The following RDM1 variants were observed in gnomAD, a reference collection of about 807,000 sequenced individuals.
RDM1 encodes RAD52 motif-containing protein 1.
Under a neutral mutation model 27.7 loss-of-function variants are expected in RDM1, and 28 were observed. That is an observed-to-expected ratio of 1.01 (90% CI 0.75 to 1.39). The LOEUF (loss-of-function observed/expected upper bound fraction) is 1.39, where lower values mean the gene tolerates loss of function less well. RDM1 is among the 40% of genes most tolerant of loss of function. The pLI is 0.00. For synonymous variants in RDM1, 124 were observed against 127.5 expected, an observed-to-expected ratio of 0.97 and a Z score of 0.19; for missense variants, 277 against 337.3, an observed-to-expected ratio of 0.82 and a Z score of 1.40.
intron 2 of RDM1, among the ~76,000 whole-genome samples, chr17:35,927,804 G>A (rs773997767): frequency 6.6e-5 from 10 of 152,102 alleles, no homozygotes; most frequent in Non-Finnish European, 1.2e-4. Context: ...TGGTCTCAAT[G>A]TCCAAAGAGC....
chr17:35,927,098 A>G (rs2141948429), intron 2 of RDM1, among the ~76,000 whole-genome samples: 1 of 122,684 alleles, frequency 8.2e-6, no homozygotes, highest in South Asian at 2.6e-4. Flanking sequence ...TGCAGCAACC[A>G]TTTTCCTTCA....
intron 4 of RDM1, among the ~76,000 whole-genome samples, chr17:35,922,977 G>A (rs895100456): frequency 4.6e-5 from 7 of 152,116 alleles, no homozygotes; most frequent in African/African-American, 1.7e-4. Flanking sequence ...CACTCCTACA[G>A]ACCCTACCCT....
In RDM1 at chr17:35,930,361, A is replaced by G. The variant is rs919083043; in HGVS notation, c.97-106T>C. ...TCTCTTCGCGAAGGATGCGATTCAA[A>G]ACACTTCCCACTTAATCAACAGGTT... On this transcript the variant is annotated intron_variant, in intron 1 of 6. Coordinates refer to ENST00000620284, the MANE Select transcript of RDM1 (RefSeq NM_145654.4). 5 of 1,422,034 alleles carry G rather than the reference A, an allele frequency of 3.5e-6. No homozygotes were observed. The Admixed American group carries it at 7.4e-5, about 21-fold the overall frequency. 88.1% of individuals were successfully genotyped at this position (1,422,034 alleles called of 1,614,324 possible).
chr17:35,922,444 G>A (rs958867088), intron 5 of RDM1, 133 bp downstream of exon 5: 48 of 1,115,954 alleles, frequency 4.3e-5, no homozygotes, highest in Admixed American at 2.0e-4. Flanking sequence ...CTGTTGGTGT[G>A]AAATAATTTA....
chr17:35,918,223 G>A lies in RDM1; in HGVS notation c.*119C>T. 6.5e-6 allele frequency: 5 copies of A among 774,324 alleles called. No individual in the cohort carries two copies. Among genetic ancestry groups the A allele is most frequent in the Non-Finnish European group, 1.1e-5 (5 of 462,312 alleles). The allele number at this position is 774,324 out of a possible 1,614,324, so 48.0% of individuals were successfully genotyped here. Reference sequence around the variant, plus strand: ...CCCCTTCGCCAGGAAAGATTTGGGCGGCCGACCCAGGTGGTTCCAGGACTC... The same window carrying A: ...CCCCTTCGCCAGGAAAGATTTGGGCAGCCGACCCAGGTGGTTCCAGGACTC... On this transcript the variant is annotated 3_prime_UTR_variant, in exon 7 of 7. Coordinates refer to ENST00000620284, the MANE Select transcript of RDM1 (RefSeq NM_145654.4).
At chr17:35,919,953 C>T (rs1470953100) in intron 6 of RDM1, among the ~76,000 whole-genome samples, 1 of 152,174 alleles carries the variant, frequency 6.6e-6, no homozygotes, top group Non-Finnish European at 1.5e-5. Flanking sequence ...CTCCTGTGTC[C>T]ACAACTGTAG....
At chr17:35,924,130 A>C (rs2089049968) in intron 4 of RDM1, among the ~76,000 whole-genome samples, 1 of 152,044 alleles carries the variant, frequency 6.6e-6, no homozygotes, top group South Asian at 2.1e-4. Context: ...CTGAGGCAGG[A>C]GGATCCCTTG....
chr17:35,923,627 C>T (rs1054851402), intron 4 of RDM1, among the ~76,000 whole-genome samples: 2 of 152,098 alleles, frequency 1.3e-5, no homozygotes, highest in African/African-American at 4.8e-5. Flanking sequence ...CACGCCAGTG[C>T]ACTTCAGCCT....
At chr17:35,920,644 G>A (rs1049794038) in intron 5 of RDM1, among the ~76,000 whole-genome samples, 5 of 151,238 alleles carry the variant, frequency 3.3e-5, no homozygotes, top group Admixed American at 6.6e-5. Context: ...TTTTAGAGAC[G>A]TGGTCTTGCT....
intron 1 of RDM1, 119 bp downstream of exon 1, chr17:35,930,512 TA>T: frequency 1.0e-6 from 1 of 999,230 alleles, no homozygotes; most frequent in Non-Finnish European, 1.5e-6. Context: ...ATCCCCTTTA[TA>T]ATTAAGAGTC....
chr17:35,918,274 G>C lies in RDM1; in HGVS notation c.*68C>G. The C allele has an allele frequency of 7.3e-7, 1 of 1,368,458 alleles. No individual in the cohort carries two copies. Among genetic ancestry groups the C allele is most frequent in the Non-Finnish European group, 1.0e-6 (1 of 962,876 alleles). The allele number at this position is 1,368,458 out of a possible 1,614,324, so 84.8% of individuals were successfully genotyped here. A position where few individuals can be genotyped will look rare whatever the true frequency, so the allele number is the denominator to read the frequency against. Reference sequence around the variant, plus strand: ...CAGCAGCCTATAGTGGTGGGGCGGCGTGGGGTAGGGGCACGACAGAGCTTC... The same window carrying C: ...CAGCAGCCTATAGTGGTGGGGCGGCCTGGGGTAGGGGCACGACAGAGCTTC... On this transcript the variant is annotated 3_prime_UTR_variant, in exon 7 of 7. Coordinates refer to ENST00000620284, the MANE Select transcript of RDM1 (RefSeq NM_145654.4).
At chr17:35,925,751 C>T (rs1252246001) in intron 2 of RDM1, 114 bp from the exon 3 acceptor site, 4 of 1,192,580 alleles carry the variant, frequency 3.4e-6, no homozygotes, top group Admixed American at 4.3e-5. Context: ...ACTGTCTTCC[C>T]ATTCAGTAGT....
rs909618012 is a variant in RDM1 at position 35,918,234 on chromosome 17, G to A, written c.*108C>T. The A allele has an allele frequency of 1.1e-6, 1 of 901,086 alleles. No individual in the cohort carries two copies. Among genetic ancestry groups the A allele is most frequent in the Non-Finnish European group, 1.8e-6 (1 of 564,552 alleles). The allele number at this position is 901,086 out of a possible 1,614,324, so 55.8% of individuals were successfully genotyped here. On this transcript the variant is annotated 3_prime_UTR_variant, in exon 7 of 7. Transcript: ENST00000620284. Reference sequence around the variant, plus strand: ...GGAAAGATTTGGGCGGCCGACCCAGGTGGTTCCAGGACTCCAGCAGCCTAT... The same window carrying A: ...GGAAAGATTTGGGCGGCCGACCCAGATGGTTCCAGGACTCCAGCAGCCTAT...
rs140943628 is a variant in RDM1, at chr17:35,928,093, A to T, written c.276+1983T>A. 3.8e-3 allele frequency among the ~76,000 whole-genome samples: 586 copies of T among 152,320 alleles called. 6 individuals carry two copies. The highest frequency in any genetic ancestry group is 0.014 in the African/African-American group (563 of 41,572). ...TAAGCAGAGTTCTCAGATTTGATCA[A>T]GGTTAATTCAATGAGGAATGGAATA... On this transcript the variant is annotated intron_variant, in intron 2 of 6. Coordinates refer to ENST00000620284, the MANE Select transcript of RDM1 (RefSeq NM_145654.4).
rs1404944002 is a variant in RDM1 at position 35,929,433 on chromosome 17, T to A, written c.276+643A>T. ...ATGCCACATCTGGCTGATATTTAAT[T>A]TTTTATTTTTCTTTCTTTCTTTTTT... On this transcript the variant is annotated intron_variant, in intron 2 of 6. Transcript: ENST00000620284. Among the ~76,000 whole-genome samples the A allele has an allele frequency of 2.6e-5, 4 of 151,878 alleles. No individual in the cohort carries two copies. In the East Asian group the frequency reaches 7.8e-4, roughly 30 times the overall value.
At chr17:35,922,844 G>T (rs1042582771) in intron 4 of RDM1, among the ~76,000 whole-genome samples, 169 bp from the exon 5 acceptor site, 5 of 152,120 alleles carry the variant, frequency 3.3e-5, no homozygotes, top group Non-Finnish European at 7.4e-5. Flanking sequence ...ATCCTGGCAG[G>T]GCCCATTTTT....
Position 35,930,723 on chromosome 17 carries a change from G to T in RDM1, c.5C>A (p.Ala2Glu), listed in dbSNP as rs1192621430. 6.2e-7 allele frequency: 1 copy of T among 1,613,178 alleles called. No individual in the cohort carries two copies. The change falls in exon 1 of 7, where the codon GCG (alanine) becomes GAG (glutamate). Residue 2 changes from alanine (A) to glutamate (E), a missense_variant. Physicochemically the swap from Ala to Glu is moderately radical, Grantham distance 107. Transcript: ENST00000620284. ...GGGAACCGCAAAAGGTACCAACTCC[G>T]CCATCCTCCCTTCACCGCACCTGCG... M[A>E]ELVPFAVPIE... is the part of the protein sequence containing the mutation.
At chr17:35,923,148 CA>C (rs745950945) in intron 4 of RDM1, among the ~76,000 whole-genome samples, 2 of 151,840 alleles carry the variant, frequency 1.3e-5, no homozygotes, top group Non-Finnish European at 2.9e-5. Context: ...GCCAGGAGTT[CA>C]AAAACAGCCT....
chr17:35,922,708 GC>G, intron 4 of RDM1, 33 bp from the exon 5 acceptor site: 1 of 1,505,894 alleles, frequency 6.6e-7, no homozygotes, highest in Non-Finnish European at 9.0e-7. Context: ...GATTTAAGGT[GC>G]CTATTTGAAT....
Sources: allele counts gnomAD v4.1 joint callset (sites outside exome capture counted in the v4.1 genomes callset), GRCh38; gene constraint gnomAD v4.1.1; transcripts MANE v1.5; gene names NCBI Gene and HGNC (gene_info 2026-07-23, HGNC 2026-07-21).